The following GPC6 variants were observed in gnomAD, a reference collection of about 807,000 sequenced individuals.
GPC6 encodes glypican 6.
Under a neutral mutation model 55.2 loss-of-function variants are expected in GPC6, and 14 were observed. That is an observed-to-expected ratio of 0.25 (90% confidence interval 0.17 to 0.40). GPC6 has a LOEUF of 0.40. Ranked by LOEUF, GPC6 falls within the 10% of genes least tolerant of loss-of-function variation. The pLI is 1.00. For synonymous variants in GPC6, 278 were observed against 259.6 expected (o/e 1.07, Z -0.68); for missense variants, 641 against 708.5 (o/e 0.90, Z 1.08).
chr13:94,002,268 A>G (rs1332205426), intron 3 of GPC6, among the ~76,000 whole-genome samples: 1 of 152,102 alleles, frequency 6.6e-6, no homozygotes, highest in Admixed American at 6.6e-5. Flanking sequence ...AGAAGGGACC[A>G]TAGGGGTGCT....
chr13:93,788,602 C>T (rs1461746343), intron 2 of GPC6, among the ~76,000 whole-genome samples: 1 of 151,730 alleles, frequency 6.6e-6, no homozygotes, highest in Non-Finnish European at 1.5e-5. Flanking sequence ...GTAAACCTCC[C>T]ACTCAGACGA....
At chr13:93,612,500 A>AACACACACACACACACACACACACACAC (rs3138575) in intron 2 of GPC6, among the ~76,000 whole-genome samples, 4 of 139,364 alleles carry the variant, frequency 2.9e-5, no homozygotes, top group African/African-American at 1.1e-4. Flanking sequence ...CTCCGTCTAA[A>AACACACACACACACACACACACACACAC]ACACACACAC....
Position 93,571,468 on chromosome 13 carries a change from A to G in GPC6, c.319+26047A>G, listed in dbSNP as rs1424230177. On this transcript the variant is annotated intron_variant, in intron 2 of 8. Coordinates refer to ENST00000377047, the MANE Select transcript of GPC6 (RefSeq NM_005708.5). ...AAAATCATTATCAGGAATTTGTTTT[A>G]TATAATTTTATGCCTCTTACAAATT... is the stretch of plus-strand genomic sequence containing the variant. Among the ~76,000 whole-genome samples the G allele has an allele frequency of 7.2e-5, 11 of 152,222 alleles. No homozygotes were observed. The South Asian group carries it at 2.1e-3, about 29-fold the overall frequency.
chr13:93,768,936 C>T (rs1594441009), intron 2 of GPC6, among the ~76,000 whole-genome samples: 2 of 151,912 alleles, frequency 1.3e-5, no homozygotes, highest in Middle Eastern at 6.8e-3. Flanking sequence ...TTATTTTTTT[C>T]CTACTTAACA....
Position 93,348,605 on chromosome 13 carries a change from C to T in GPC6, c.160+120989C>T, listed in dbSNP as rs142953357. 2.6e-5 allele frequency among the ~76,000 whole-genome samples: 4 copies of T among 152,186 alleles called. No homozygotes were observed. The East Asian group carries it at 7.7e-4, about 29-fold the overall frequency. On this transcript the variant is annotated intron_variant, in intron 1 of 8. Coordinates refer to ENST00000377047, the MANE Select transcript of GPC6 (RefSeq NM_005708.5). Reference sequence around the variant, plus strand: ...GGTCAAGCATTTTACTCTGTGGCACCCAGAAACAATTTCAGAAACAAAAAG... The same window carrying T: ...GGTCAAGCATTTTACTCTGTGGCACTCAGAAACAATTTCAGAAACAAAAAG...
rs555120730 is a variant in GPC6 at position 93,345,029 on chromosome 13, T to C, written c.160+117413T>C. Among the ~76,000 whole-genome samples, 95 of 152,296 alleles carry C rather than the reference T, an allele frequency of 6.2e-4. 1 individual carries two copies. In the South Asian group the frequency reaches 7.7e-3, roughly 12 times the overall value. On this transcript the variant is annotated intron_variant, in intron 1 of 8. Transcript: ENST00000377047. ...ATGCTTTAAAAATGTGTATGAAATA[T>C]TAGCCTAGTAAGAGAAGAACAGAAT... is the stretch of plus-strand genomic sequence containing the variant.
chr13:93,441,521 C>T (rs958583117), intron 1 of GPC6, among the ~76,000 whole-genome samples: 2 of 152,152 alleles, frequency 1.3e-5, no homozygotes, highest in Admixed American at 6.5e-5. Context: ...ATATCCTTCA[C>T]CTACTTTTTG....
intron 1 of GPC6, among the ~76,000 whole-genome samples, chr13:93,274,319 T>C (rs1384806959): frequency 2.0e-5 from 3 of 152,188 alleles, no homozygotes; most frequent in Non-Finnish European, 2.9e-5. Context: ...TAATGTGTCA[T>C]TGGGGGAATG....
At chr13:94,252,627 G>C (rs1199846456) in intron 4 of GPC6, among the ~76,000 whole-genome samples, 1 of 152,096 alleles carries the variant, frequency 6.6e-6, no homozygotes, top group African/African-American at 2.4e-5. Context: ...AACAACAAAA[G>C]TTGTCTCTTA....
intron 1 of GPC6, among the ~76,000 whole-genome samples, chr13:93,397,024 T>G (rs924384130): frequency 7.2e-5 from 11 of 152,206 alleles, no homozygotes; most frequent in African/African-American, 2.7e-4. Context: ...TTTGCAATTA[T>G]CCTTCATCAT....
intron 1 of GPC6, among the ~76,000 whole-genome samples, chr13:93,317,115 A>G (rs1459641046): frequency 6.6e-6 from 1 of 152,040 alleles, no homozygotes; most frequent in Non-Finnish European, 1.5e-5. Context: ...GTTACTTACA[A>G]TTGGCTGACT....
chr13:93,337,649 G>T (rs148407841), intron 1 of GPC6, among the ~76,000 whole-genome samples: 131 of 152,200 alleles, frequency 8.6e-4, no homozygotes, highest in Non-Finnish European at 1.4e-3. Flanking sequence ...GCATCAAGTC[G>T]ACTGAAATGA....
chr13:93,315,352 T>C (rs900511457), intron 1 of GPC6, among the ~76,000 whole-genome samples: 2 of 152,016 alleles, frequency 1.3e-5, no homozygotes, highest in Admixed American at 1.3e-4. Flanking sequence ...AGCTCTGTTT[T>C]CTAGGGAAAC....
chr13:93,777,628 C>T (rs932415582), intron 2 of GPC6, among the ~76,000 whole-genome samples: 5 of 152,230 alleles, frequency 3.3e-5, no homozygotes, highest in Admixed American at 6.5e-5. Context: ...TGATTTATTT[C>T]CCTGTATAGT....
intron 4 of GPC6, among the ~76,000 whole-genome samples, chr13:94,059,341 T>G (rs1274064343): frequency 6.6e-6 from 1 of 151,838 alleles, no homozygotes; most frequent in Non-Finnish European, 1.5e-5. Flanking sequence ...TGGAAGGAAA[T>G]GTTTTTCTCT....
chr13:93,358,589 C>A (rs1880936038), intron 1 of GPC6, among the ~76,000 whole-genome samples: 1 of 152,120 alleles, frequency 6.6e-6, no homozygotes, highest in Admixed American at 6.6e-5. Context: ...AAAAACCCAT[C>A]TTGAAGCAAT....
intron 4 of GPC6, among the ~76,000 whole-genome samples, chr13:94,165,328 A>C (rs570084503): frequency 1.3e-5 from 2 of 151,024 alleles, no homozygotes; most frequent in South Asian, 4.2e-4. Flanking sequence ...AAAAGGAATG[A>C]ATATGGCATT....
intron 2 of GPC6, among the ~76,000 whole-genome samples, chr13:93,743,760 A>G (rs972062832): frequency 6.6e-6 from 1 of 152,084 alleles, no homozygotes. Context: ...TTTTTAACTA[A>G]TAGAAACAAT....
intron 2 of GPC6, among the ~76,000 whole-genome samples, chr13:93,795,180 G>A (rs1234466967): frequency 6.6e-6 from 1 of 152,122 alleles, no homozygotes; most frequent in Non-Finnish European, 1.5e-5. Context: ...TATAATAGTT[G>A]TATATATGTA....
Sources: gnomAD v4.1 joint callset for allele counts (sites outside exome capture counted in the v4.1 genomes callset) on GRCh38, gnomAD v4.1.1 for gene constraint, MANE v1.5 for transcripts, NCBI Gene and HGNC (gene_info 2026-07-23, HGNC 2026-07-21) for gene names.